ATP11A: variants seen among roughly 807,000 people sequenced by gnomAD.
ATP11A encodes the protein ATPase phospholipid transporting 11A, also known as phospholipid-transporting ATPase IH.
A neutral mutation model predicts 154.4 loss-of-function variants in ATP11A; 81 were observed. The observed-to-expected ratio is 0.52, with a 90% CI of 0.44 to 0.63. ATP11A has a LOEUF of 0.63. Ranked by LOEUF, ATP11A falls within the 30% of genes least tolerant of loss-of-function variation. ATP11A has a pLI of 0.00. For missense variants in ATP11A, 1,316 were observed against 1,474.3 expected, an observed-to-expected ratio of 0.89 and a Z score of 1.76; for synonymous variants, 623 against 585.9, an observed-to-expected ratio of 1.06 and a Z score of -0.91.
At chr13:112,769,943 T>C (rs749813542) in intron 1 of ATP11A, among the ~76,000 whole-genome samples, 4 of 152,246 alleles carry the variant, frequency 2.6e-5, no homozygotes, top group Non-Finnish European at 5.9e-5. Context: ...AACGTACTCC[T>C]GTCGAAAATG....
At chr13:112,847,045 C>G (rs1342919047) in intron 17 of ATP11A, among the ~76,000 whole-genome samples, 2 of 152,214 alleles carry the variant, frequency 1.3e-5, no homozygotes, top group African/African-American at 4.8e-5. Flanking sequence ...CCTAGGAACT[C>G]TGGTGCTTGT....
chr13:112,856,596 T>C (rs927143852), intron 20 of ATP11A: 2 of 152,514 alleles, frequency 1.3e-5, no homozygotes, highest in Non-Finnish European at 2.9e-5. Flanking sequence ...TCCAAACGTC[T>C]CACGCGGCCA....
chr13:112,828,971 TC>T (rs1260490130), intron 12 of ATP11A, among the ~76,000 whole-genome samples: 7 of 152,216 alleles, frequency 4.6e-5, no homozygotes, highest in African/African-American at 1.7e-4. Flanking sequence ...GCCATGGAGA[TC>T]CTGTGCCAGA....
intron 1 of ATP11A, among the ~76,000 whole-genome samples, chr13:112,721,372 G>A (rs752554): frequency 0.022 from 3,383 of 152,288 alleles, 128 homozygotes; most frequent in African/African-American, 0.076. Context: ...AAGAGAAAAC[G>A]TACCTTTGCT....
At position 112,755,298 on chromosome 13, in the gene ATP11A, G is replaced by T. The variant is rs544393232; in HGVS notation, c.40-29837G>T. Among the ~76,000 whole-genome samples, 5 of 151,010 alleles carry T rather than the reference G, an allele frequency of 3.3e-5. 1 individual carries two copies. In the South Asian group the frequency reaches 1.0e-3, roughly 31 times the overall value. On this transcript the variant is annotated intron_variant, in intron 1 of 29. Coordinates refer to ENST00000375645, the MANE Select transcript of ATP11A (RefSeq NM_015205.3). ...AGGTCGCTGGGTTTTCGTGTCTTCT[G>T]CTTTCCATTGCACAGTCCCACCCTC... is the stretch of plus-strand genomic sequence containing the variant.
rs552185433 is a variant in ATP11A, at chr13:112,781,380, G to T, written c.40-3755G>T. ...CTATGTCCCCGTTTATGCACAGTATGTCTGGCCCTGGATTCAAGACCGGTG... is the reference window on the plus strand; with the variant it reads ...CTATGTCCCCGTTTATGCACAGTATTTCTGGCCCTGGATTCAAGACCGGTG... On this transcript the variant is annotated intron_variant, in intron 1 of 29. Transcript: ENST00000375645. Among the ~76,000 whole-genome samples, 54 of 152,240 alleles carry T rather than the reference G, an allele frequency of 3.5e-4. 1 individual carries two copies. In the South Asian group the frequency reaches 5.0e-3, roughly 14 times the overall value.
At chr13:112,722,588 C>G (rs1889324703) in intron 1 of ATP11A, among the ~76,000 whole-genome samples, 1 of 152,164 alleles carries the variant, frequency 6.6e-6, no homozygotes, top group South Asian at 2.1e-4. Context: ...CGAGTCCCAT[C>G]AGGGCCGGAA....
chr13:112,777,419 C>A (rs570440062), intron 1 of ATP11A, among the ~76,000 whole-genome samples: 16 of 152,214 alleles, frequency 1.1e-4, no homozygotes, highest in East Asian at 9.7e-4. Context: ...CAAAAATTAG[C>A]CAAGTGTGGT....
At chr13:112,827,002 C>A in intron 12 of ATP11A, 111 bp downstream of exon 12, 1 of 1,070,168 alleles carries the variant, frequency 9.3e-7, no homozygotes, top group Non-Finnish European at 1.4e-6. Flanking sequence ...CTGTAGCTGG[C>A]GTAAGACAGC....
At chr13:112,878,077 T>C (rs2080782634) in intron 28 of ATP11A, 140 bp from the exon 29 acceptor site, 4 of 765,578 alleles carry the variant, frequency 5.2e-6, no homozygotes, top group Admixed American at 4.2e-5. Flanking sequence ...TTGCACGTGG[T>C]GGCGAGCCTC....
intron 1 of ATP11A, among the ~76,000 whole-genome samples, chr13:112,752,310 T>A (rs537274340): frequency 6.6e-6 from 1 of 152,174 alleles, no homozygotes; most frequent in South Asian, 2.1e-4. Flanking sequence ...AGGGCAGCCT[T>A]TTTCTGTGCT....
intron 5 of ATP11A, among the ~76,000 whole-genome samples, chr13:112,814,100 G>T (rs897039386): frequency 6.6e-6 from 1 of 150,506 alleles, no homozygotes; most frequent in African/African-American, 2.5e-5. Flanking sequence ...TCTTGCTCTT[G>T]TTGCCCAGGC....
At chr13:112,709,441 G>A (rs12427584) in intron 1 of ATP11A, among the ~76,000 whole-genome samples, 44,393 of 152,088 alleles carry the variant, frequency 0.29, 7,736 homozygotes, top group East Asian at 0.45. Flanking sequence ...TCCAGGTCCA[G>A]GCAATAATCA....
At chr13:112,771,161 CGGGCAGCCACAACCCA>C (rs1431565115) in intron 1 of ATP11A, among the ~76,000 whole-genome samples, 2 of 152,248 alleles carry the variant, frequency 1.3e-5, no homozygotes, top group African/African-American at 2.4e-5. Context: ...TAACCTGATG[CGGGCAGCCACAACCCA>C]GGCCCTAACA....
intron 25 of ATP11A, among the ~76,000 whole-genome samples, chr13:112,866,401 T>C (rs1189432765): frequency 1.3e-5 from 2 of 151,954 alleles, no homozygotes; most frequent in Non-Finnish European, 2.9e-5. Context: ...GGGTGGCCCA[T>C]TGAGCCAGGG....
chr13:112,708,837 G>C (rs919402831), intron 1 of ATP11A, among the ~76,000 whole-genome samples: 4 of 152,232 alleles, frequency 2.6e-5, no homozygotes, highest in Non-Finnish European at 4.4e-5. Flanking sequence ...AACTCATGGA[G>C]GGGGAGGGGG....
At position 112,690,142 on chromosome 13, in the gene ATP11A, G is replaced by A. The variant is rs1884967442; in HGVS notation, c.-275G>A. On this transcript the variant is annotated 5_prime_UTR_variant, in exon 1 of 30. Transcript: ENST00000375645. This position sits in a 1 kb window ranked among gnomAD's most constrained non-coding sequence, Gnocchi z 5.6. Reference sequence around the variant, plus strand: ...GCCCAACCGAGCGGGCGGACCGACGGGGAGAGAGAAGGCGCCAGAGCGCGC... The same window carrying A: ...GCCCAACCGAGCGGGCGGACCGACGAGGAGAGAGAAGGCGCCAGAGCGCGC... Among the ~76,000 whole-genome samples the A allele has an allele frequency of 6.7e-6, 1 of 148,320 alleles. No individual in the cohort carries two copies.
At chr13:112,803,925 C>CTT (rs2078226826) in intron 2 of ATP11A, among the ~76,000 whole-genome samples, 1 of 83,794 alleles carries the variant, frequency 1.2e-5, no homozygotes. Flanking sequence ...TCCCCCCATC[C>CTT]CCTCTCTGCC....
chr13:112,710,807 A>G (rs906713432), intron 1 of ATP11A, among the ~76,000 whole-genome samples: 2 of 152,250 alleles, frequency 1.3e-5, no homozygotes, highest in Admixed American at 1.3e-4. Context: ...GACAAGTCAC[A>G]GCTCTGGTTG....
Sources: gnomAD v4.1 joint callset for allele counts (sites outside exome capture counted in the v4.1 genomes callset) on GRCh38, gnomAD v4.1.1 for gene constraint, Gnocchi (gnomAD v3.1) non-coding constraint, MANE v1.5 for transcripts, NCBI Gene and HGNC (gene_info 2026-07-23, HGNC 2026-07-21) for gene names.